ROBO1: variants seen among roughly 807,000 people sequenced by gnomAD.
The protein encoded by ROBO1 is roundabout homolog 1.
A neutral mutation model predicts 195.9 loss-of-function variants in ROBO1; 149 were observed. The observed-to-expected ratio is 0.76, with a 90% CI of 0.67 to 0.87. The LOEUF (loss-of-function observed/expected upper bound fraction) is 0.87, where lower values mean the gene tolerates loss of function less well. Ranked by LOEUF, ROBO1 falls within the 40% of genes least tolerant of loss-of-function variation. The pLI, the probability that ROBO1 is intolerant of heterozygous loss-of-function variation, is 0.00. For missense variants in ROBO1, 1,933 were observed against 2,068.3 expected (o/e 0.93, Z 1.27); for synonymous variants, 816 against 733.2 (o/e 1.11, Z -1.82).
rs114001215 is a variant in ROBO1, at chr3:79,381,793, G to A, written c.88+208031C>T. On this transcript the variant is annotated intron_variant, in intron 2 of 30. Coordinates refer to ENST00000464233, the MANE Select transcript of ROBO1 (RefSeq NM_002941.4). Reference sequence around the variant, plus strand: ...TAAAATGCTATATATTAATATGTAGGTATATATATATAATTATAGTAATAT... The same window carrying A: ...TAAAATGCTATATATTAATATGTAGATATATATATATAATTATAGTAATAT... 1.3e-3 allele frequency among the ~76,000 whole-genome samples: 190 copies of A among 151,448 alleles called. 2 individuals carry two copies. Among genetic ancestry groups the A allele is most frequent in the African/African-American group, 4.4e-3 (180 of 41,290 alleles).
At chr3:78,944,661 A>C (rs2040319282) in intron 3 of ROBO1, among the ~76,000 whole-genome samples, 1 of 152,226 alleles carries the variant, frequency 6.6e-6, no homozygotes, top group South Asian at 2.1e-4. Flanking sequence ...GCCAGACAGT[A>C]GGTGCAGGAC....
intron 4 of ROBO1, among the ~76,000 whole-genome samples, chr3:78,749,970 T>C (rs2082747749): frequency 6.6e-6 from 1 of 152,164 alleles, no homozygotes; most frequent in African/African-American, 2.4e-5. Context: ...CCTAAAAAGG[T>C]ATTAAATCAG....
At chr3:79,006,757 G>GAAAAAAAAAAAAAA (rs11345487) in intron 3 of ROBO1, among the ~76,000 whole-genome samples, 1 of 115,244 alleles carries the variant, frequency 8.7e-6, no homozygotes. Context: ...CAAAATATCG[G>GAAAAAAAAAAAAAA]AAAAAAAAAA....
chr3:78,709,805 A>C (rs1211541507), intron 8 of ROBO1, among the ~76,000 whole-genome samples: 1 of 152,212 alleles, frequency 6.6e-6, no homozygotes, highest in Non-Finnish European at 1.5e-5. Flanking sequence ...AGGCACTGAG[A>C]ATCTAAAAAA....
chr3:79,517,169 A>G (rs929825892), intron 2 of ROBO1, among the ~76,000 whole-genome samples: 2 of 152,134 alleles, frequency 1.3e-5, no homozygotes, highest in African/African-American at 4.8e-5. Flanking sequence ...ACTGGTTATC[A>G]CTCGTTCTCA....
chr3:79,757,739 A>G (rs1431519355), intron 1 of ROBO1, among the ~76,000 whole-genome samples: 3 of 152,170 alleles, frequency 2.0e-5, no homozygotes, highest in Non-Finnish European at 4.4e-5. Context: ...ATTGAATCCA[A>G]TATTTGAAAA....
At chr3:79,667,634 C>T (rs116572949) in intron 1 of ROBO1, among the ~76,000 whole-genome samples, 3,680 of 151,640 alleles carry the variant, frequency 0.024, 69 homozygotes, top group Middle Eastern at 0.041. Context: ...TTTATGTAGG[C>T]CCTATTTTAT....
chr3:79,400,708 T>C (rs904979151), intron 2 of ROBO1, among the ~76,000 whole-genome samples: 5 of 152,036 alleles, frequency 3.3e-5, no homozygotes, highest in African/African-American at 1.2e-4. Context: ...ATAAGTAGAT[T>C]ATATTAGGAG....
chr3:79,318,960 A>G (rs1212503437), intron 2 of ROBO1, among the ~76,000 whole-genome samples: 1 of 152,216 alleles, frequency 6.6e-6, no homozygotes, highest in African/African-American at 2.4e-5. Flanking sequence ...TCATTTCAAC[A>G]TATAATCAAT....
intron 28 of ROBO1, among the ~76,000 whole-genome samples, chr3:78,607,624 G>A (rs1030113711): frequency 2.6e-5 from 4 of 152,164 alleles, no homozygotes; most frequent in African/African-American, 7.2e-5. Context: ...TATTTGTACT[G>A]TAACTTTCTC....
At chr3:79,767,205 G>T (rs1452655997) in intron 1 of ROBO1, among the ~76,000 whole-genome samples, 4 of 152,102 alleles carry the variant, frequency 2.6e-5, no homozygotes, top group Non-Finnish European at 4.4e-5. Flanking sequence ...GAAGCTCCCT[G>T]CAGCCTGCCC....
chr3:79,567,467 C>T (rs552188513), intron 2 of ROBO1, among the ~76,000 whole-genome samples: 1 of 152,242 alleles, frequency 6.6e-6, no homozygotes, highest in South Asian at 2.1e-4. Context: ...GATAGCATTC[C>T]ATGTTACTCA....
intron 2 of ROBO1, among the ~76,000 whole-genome samples, chr3:79,375,256 A>G (rs1232896618): frequency 6.6e-6 from 1 of 152,190 alleles, no homozygotes; most frequent in Non-Finnish European, 1.5e-5. Context: ...TAGTTAGATG[A>G]GAAAAAGATA....
intron 4 of ROBO1, among the ~76,000 whole-genome samples, chr3:78,915,636 T>G (rs1162878306): frequency 1.3e-5 from 2 of 152,088 alleles, no homozygotes; most frequent in African/African-American, 4.8e-5. Flanking sequence ...TTTAGTAAAA[T>G]TTACTGAAGA....
chr3:79,310,304 C>G (rs141812387), intron 2 of ROBO1, among the ~76,000 whole-genome samples: 3 of 152,276 alleles, frequency 2.0e-5, no homozygotes, highest in Non-Finnish European at 4.4e-5. Context: ...ATGGAAGAAC[C>G]TTATTTATCA....
chr3:79,577,303 T>C (rs1200418657), intron 2 of ROBO1, among the ~76,000 whole-genome samples: 1 of 152,200 alleles, frequency 6.6e-6, no homozygotes, highest in Non-Finnish European at 1.5e-5. Flanking sequence ...TTCTACATGT[T>C]CATGTCTTAT....
chr3:78,664,328 A>G (rs1707611455), intron 14 of ROBO1, among the ~76,000 whole-genome samples: 1 of 152,220 alleles, frequency 6.6e-6, no homozygotes. Flanking sequence ...GGCCCCACTC[A>G]TTGATAATAA....
At chr3:78,670,892 G>A (rs762361565) in intron 10 of ROBO1, among the ~76,000 whole-genome samples, 1 of 152,004 alleles carries the variant, frequency 6.6e-6, no homozygotes, top group Non-Finnish European at 1.5e-5. Context: ...AATATACATG[G>A]GAGAAAATTA....
chr3:78,867,504 T>C (rs1457451166), intron 4 of ROBO1, among the ~76,000 whole-genome samples: 2 of 152,198 alleles, frequency 1.3e-5, no homozygotes, highest in Non-Finnish European at 2.9e-5. Context: ...TTCTTAACTA[T>C]AGTCTCACAG....
Sources: gnomAD v4.1 joint callset for allele counts (sites outside exome capture counted in the v4.1 genomes callset) on GRCh38, gnomAD v4.1.1 for gene constraint, MANE v1.5 for transcripts, NCBI Gene and HGNC (gene_info 2026-07-23, HGNC 2026-07-21) for gene names.